Variants in ATRNL1 observed in about 807,000 individuals in gnomAD.
ATRNL1 encodes attractin-like protein 1.
ATRNL1 carries 95 observed loss-of-function variants against 182.7 expected under a neutral mutation model. The observed-to-expected ratio is 0.52, with a 90% CI of 0.44 to 0.62. The LOEUF (loss-of-function observed/expected upper bound fraction) is 0.62. ATRNL1 is among the 20% of genes least tolerant of loss of function. ATRNL1 has a pLI of 0.00. For missense variants in ATRNL1, 1,471 were observed against 1,679.5 expected, an observed-to-expected ratio of 0.88 and a Z score of 2.17; for synonymous variants, 576 against 568.3, an observed-to-expected ratio of 1.01 and a Z score of -0.19.
intron 28 of ATRNL1, among the ~76,000 whole-genome samples, chr10:115,855,084 G>T (rs1951149322): frequency 6.6e-6 from 1 of 152,160 alleles, no homozygotes; most frequent in Admixed American, 6.5e-5. Context: ...AGCACCACTG[G>T]CTACATGGGG....
At chr10:115,330,437 C>T (rs1592463122) in intron 18 of ATRNL1, among the ~76,000 whole-genome samples, 1 of 152,008 alleles carries the variant, frequency 6.6e-6, no homozygotes, top group East Asian at 1.9e-4. Flanking sequence ...GTTCGAACAA[C>T]TCCTGAAAGT....
In ATRNL1 at chr10:115,583,350, A is replaced by C. The variant is rs1368682812; in HGVS notation, c.3795+33814A>C. Among the ~76,000 whole-genome samples, 26 of 109,490 alleles carry C rather than the reference A, an allele frequency of 2.4e-4. 2 individuals carry two copies. Among genetic ancestry groups the C allele is most frequent in the African/African-American group, 5.6e-4 (20 of 35,858 alleles). The allele number at this position is 109,490 out of a possible 152,430, so 71.8% of individuals were successfully genotyped here. A position where few individuals can be genotyped will look rare whatever the true frequency, so the allele number is the denominator to read the frequency against. ...GTAAATTACCTTGGGCAGTATGGCCATTTTCACGATATTGATTCTTCCTAC... is the reference window on the plus strand; with the variant it reads ...GTAAATTACCTTGGGCAGTATGGCCCTTTTCACGATATTGATTCTTCCTAC... On this transcript the variant is annotated intron_variant, in intron 26 of 28. Transcript: ENST00000355044.
At chr10:115,831,033 CA>C (rs1950547613) in intron 27 of ATRNL1, among the ~76,000 whole-genome samples, 1 of 152,116 alleles carries the variant, frequency 6.6e-6, no homozygotes, top group African/African-American at 2.4e-5. Context: ...TTTCCTGTCC[CA>C]CATTCTTCAT....
intron 26 of ATRNL1, among the ~76,000 whole-genome samples, chr10:115,701,561 T>C (rs1203725642): frequency 3.3e-5 from 5 of 151,926 alleles, no homozygotes; most frequent in African/African-American, 4.8e-5. Context: ...CTAGGTAGAT[T>C]AGCAAACAAA....
At chr10:115,446,383 T>C (rs1846989458) in intron 21 of ATRNL1, among the ~76,000 whole-genome samples, 1 of 152,092 alleles carries the variant, frequency 6.6e-6, no homozygotes, top group Non-Finnish European at 1.5e-5. Context: ...TTCTTCCTTT[T>C]GTAATTTATT....
At chr10:115,589,298 G>C (rs1555011418) in intron 26 of ATRNL1, among the ~76,000 whole-genome samples, 1 of 152,130 alleles carries the variant, frequency 6.6e-6, no homozygotes, top group South Asian at 2.1e-4. Context: ...ATATTTAAAT[G>C]ATCTACTTAA....
At chr10:115,662,106 A>G (rs1860729953) in intron 26 of ATRNL1, among the ~76,000 whole-genome samples, 1 of 151,640 alleles carries the variant, frequency 6.6e-6, no homozygotes, top group Non-Finnish European at 1.5e-5. Flanking sequence ...AAGGACATGA[A>G]CTCATCATTT....
intron 26 of ATRNL1, among the ~76,000 whole-genome samples, chr10:115,591,513 C>G (rs1024511254): frequency 5.3e-5 from 8 of 152,122 alleles, no homozygotes; most frequent in African/African-American, 1.9e-4. Context: ...CATAAATTTT[C>G]TTGGAAATTT....
chr10:115,163,718 T>C (rs1005672934), intron 6 of ATRNL1, among the ~76,000 whole-genome samples: 3 of 152,116 alleles, frequency 2.0e-5, no homozygotes, highest in African/African-American at 7.2e-5. Context: ...TGTGAGACCA[T>C]TGTGGCCCAC....
chr10:115,384,892 T>A (rs1858246654), intron 19 of ATRNL1, among the ~76,000 whole-genome samples: 1 of 151,988 alleles, frequency 6.6e-6, no homozygotes, highest in African/African-American at 2.4e-5. Context: ...TGTCTGGATA[T>A]ACCACATTTT....
intron 19 of ATRNL1, among the ~76,000 whole-genome samples, chr10:115,357,181 T>G (rs1856540920): frequency 6.6e-6 from 1 of 151,948 alleles, no homozygotes; most frequent in Non-Finnish European, 1.5e-5. Context: ...GTAGAATTCC[T>G]ACTGGCTTGA....
intron 28 of ATRNL1, among the ~76,000 whole-genome samples, chr10:115,897,438 CT>C (rs1952236420): frequency 6.6e-6 from 1 of 152,122 alleles, no homozygotes; most frequent in African/African-American, 2.4e-5. Context: ...TTGATTTCAG[CT>C]TTTTCGATCC....
At chr10:115,291,457 T>C (rs1852899694) in intron 15 of ATRNL1, among the ~76,000 whole-genome samples, 2 of 152,186 alleles carry the variant, frequency 1.3e-5, no homozygotes, top group Non-Finnish European at 2.9e-5. Flanking sequence ...TTGTCACATA[T>C]GGCCTTTATT....
chr10:115,747,795 T>A (rs782782081), intron 27 of ATRNL1, among the ~76,000 whole-genome samples: 24 of 151,972 alleles, frequency 1.6e-4, no homozygotes, highest in Non-Finnish European at 3.2e-4. Context: ...CAGGGACTGG[T>A]AAGTTCAAGA....
chr10:115,804,564 T>G (rs1485657187), intron 27 of ATRNL1, among the ~76,000 whole-genome samples: 2 of 152,216 alleles, frequency 1.3e-5, no homozygotes, highest in African/African-American at 4.8e-5. Flanking sequence ...GGTGCCTTGA[T>G]CTTGGTCTCT....
At chr10:115,385,586 TC>T (rs1410304317) in intron 19 of ATRNL1, among the ~76,000 whole-genome samples, 2 of 152,144 alleles carry the variant, frequency 1.3e-5, no homozygotes, top group African/African-American at 2.4e-5. Flanking sequence ...TATGTTTTTT[TC>T]TTTGATATTT....
chr10:115,704,788 T>C (rs1946846303), intron 26 of ATRNL1, among the ~76,000 whole-genome samples: 1 of 151,966 alleles, frequency 6.6e-6, no homozygotes, highest in Non-Finnish European at 1.5e-5. Flanking sequence ...GACTGTTCTA[T>C]GCTATTTTAT....
chr10:115,195,350 T>G (rs1554890782), intron 8 of ATRNL1, among the ~76,000 whole-genome samples: 1 of 152,284 alleles, frequency 6.6e-6, no homozygotes, highest in South Asian at 2.1e-4. Context: ...CCTTTATGTT[T>G]GAAGGATAAT....
At chr10:115,764,349 T>G (rs1173269278) in intron 27 of ATRNL1, among the ~76,000 whole-genome samples, 1 of 152,108 alleles carries the variant, frequency 6.6e-6, no homozygotes, top group Non-Finnish European at 1.5e-5. Flanking sequence ...TAGAGTTCAC[T>G]CTTTGAGTTT....
Sources: allele counts gnomAD v4.1 joint callset (sites outside exome capture counted in the v4.1 genomes callset), GRCh38; gene constraint gnomAD v4.1.1; transcripts MANE v1.5; gene names NCBI Gene and HGNC (gene_info 2026-07-23, HGNC 2026-07-21).